Variants in KIFC3 observed in about 807,000 individuals in gnomAD.
KIFC3 encodes kinesin family member C3.
Under a neutral mutation model 101.8 loss-of-function variants are expected in KIFC3, and 60 were observed. The ratio of observed to expected loss-of-function variants is 0.59; its 90% CI spans 0.48 to 0.73. KIFC3 has a LOEUF of 0.73. KIFC3 is among the 30% of genes least tolerant of loss of function. KIFC3 has a pLI of 0.00. For synonymous variants in KIFC3, 476 were observed against 482.7 expected (o/e 0.99, Z 0.18); for missense variants, 966 against 1,137.1 (o/e 0.85, Z 2.16).
chr16:57,847,760 TTGTGTGTGTGTGTGTG>T (rs35081728), intron 1 of KIFC3, among the ~76,000 whole-genome samples: 11 of 139,788 alleles, frequency 7.9e-5, no homozygotes, highest in East Asian at 2.1e-4. Flanking sequence ...CCAGATGAAT[TTGTGTGTGTGTGTGTG>T]TGTGTGTGTG....
chr16:57,838,361 C>T (rs925133518), intron 1 of KIFC3, among the ~76,000 whole-genome samples: 4 of 152,308 alleles, frequency 2.6e-5, no homozygotes, highest in Middle Eastern at 3.4e-3. Flanking sequence ...TGGGTCCTCG[C>T]AGCCACGCAA....
At chr16:57,783,732 C>T (rs1451314364) in intron 3 of KIFC3, among the ~76,000 whole-genome samples, 1 of 152,126 alleles carries the variant, frequency 6.6e-6, no homozygotes, top group Non-Finnish European at 1.5e-5. Context: ...CTCTGCTTCC[C>T]AAAATGCTGG....
At chr16:57,852,205 C>A (rs2056072940) in intron 1 of KIFC3, among the ~76,000 whole-genome samples, 1 of 152,176 alleles carries the variant, frequency 6.6e-6, no homozygotes, top group Non-Finnish European at 1.5e-5. Context: ...CACTAACAGT[C>A]AGTCGGACCT....
Position 57,774,594 on chromosome 16 carries a change from C to T in KIFC3, c.316-2306G>A, listed in dbSNP as rs891703362. On this transcript the variant is annotated intron_variant, in intron 3 of 19. Coordinates refer to ENST00000445690, the MANE Select transcript of KIFC3 (RefSeq NM_001130100.2). ...CTGGAGTGCAGTGCCTCGATCTAGG[C>T]TCACTGCAGCCTAGACCTCCTGGAC... The T allele has an allele frequency of 1.0e-4, 21 of 210,134 alleles. 1 individual carries two copies. Among genetic ancestry groups the T allele is most frequent in the Non-Finnish European group, 2.0e-4 (21 of 106,852 alleles). 13.0% of individuals were successfully genotyped at this position (210,134 alleles called of 1,614,324 possible).
intron 3 of KIFC3, 94 bp from the exon 4 acceptor site, chr16:57,772,382 G>T: frequency 1.9e-6 from 2 of 1,068,146 alleles, no homozygotes; most frequent in Non-Finnish European, 2.8e-6. Flanking sequence ...GACTGATGTG[G>T]CTGTGGCTTC....
chr16:57,860,191 C>T (rs1470912179), intron 1 of KIFC3, among the ~76,000 whole-genome samples: 7 of 152,058 alleles, frequency 4.6e-5, no homozygotes, highest in Admixed American at 2.6e-4. Context: ...CTCTGGCTCA[C>T]GCCTGTAATC....
rs782593901 is a variant in KIFC3 at position 57,762,299 on chromosome 16, G to T, written c.1618-29C>A. On this transcript the variant is annotated intron_variant, in intron 12 of 19. Transcript: ENST00000445690. ...GGGACAGAAGGAAAGGCCCCAGTAA[G>T]CCAGGCCTGTCCCCAAAGACGCTCG... The T allele has an allele frequency of 4.6e-6, 7 of 1,508,118 alleles. No homozygotes were observed. The East Asian group carries it at 1.5e-4, about 32-fold the overall frequency. The allele number at this position is 1,508,118 out of a possible 1,614,324, so 93.4% of individuals were successfully genotyped here. A position where few individuals can be genotyped will look rare whatever the true frequency, so the allele number is the denominator to read the frequency against.
chr16:57,803,036 C>T, upstream of KIFC3: 2 of 1,535,882 alleles, frequency 1.3e-6, no homozygotes, highest in Non-Finnish European at 1.7e-6. Context: ...TTACAGCGCA[C>T]ACGCTCTCAC....
intron 7 of KIFC3, among the ~76,000 whole-genome samples, chr16:57,770,197 C>CA (rs1219287375): frequency 6.6e-6 from 1 of 152,252 alleles, no homozygotes; most frequent in African/African-American, 2.4e-5. Context: ...CACGTGCCCT[C>CA]AGGAAGGTAG....
intron 3 of KIFC3, chr16:57,775,038 G>A: frequency 6.6e-7 from 1 of 1,524,560 alleles, no homozygotes; most frequent in Non-Finnish European, 8.7e-7. Flanking sequence ...AGGGAGAGTG[G>A]GGTTTGCCAG....
intron 1 of KIFC3, among the ~76,000 whole-genome samples, chr16:57,819,507 G>A (rs1231612546): frequency 6.6e-6 from 1 of 152,090 alleles, no homozygotes; most frequent in Non-Finnish European, 1.5e-5. Flanking sequence ...AGGAGAGACT[G>A]TCACCTTCAA....
rs1302280883 is a variant in KIFC3 at position 57,780,753 on chromosome 16, C to T, written c.316-8465G>A. Among the ~76,000 whole-genome samples, 4 of 139,746 alleles carry T rather than the reference C, an allele frequency of 2.9e-5. No homozygotes were observed. In the East Asian group the frequency reaches 8.9e-4, roughly 31 times the overall value. The allele number at this position is 139,746 out of a possible 152,430, so 91.7% of individuals were successfully genotyped here. ...GCAGTGGCGCAATCTTGGCTCACTG[C>T]AACCTCCACCTCCCGGGTTCAAGCA... On this transcript the variant is annotated intron_variant, in intron 3 of 19. Coordinates refer to ENST00000445690, the MANE Select transcript of KIFC3 (RefSeq NM_001130100.2).
At chr16:57,802,540 C>T (rs1275749266), upstream of KIFC3, 2 of 987,288 alleles carry the variant, frequency 2.0e-6, no homozygotes, top group African/African-American at 1.7e-5. This position sits in a 1 kb window ranked among gnomAD's most constrained non-coding sequence, Gnocchi z 5.0. Flanking sequence ...CGGCGCGTTC[C>T]CATGGCAACC....
At chr16:57,764,059 T>G in intron 12 of KIFC3, 84 bp downstream of exon 12, 1 of 966,242 alleles carries the variant, frequency 1.0e-6, no homozygotes, top group Non-Finnish European at 1.6e-6. Context: ...AAACACACAC[T>G]GCACAATACC....
upstream of KIFC3, among the ~76,000 whole-genome samples, chr16:57,808,159 A>C (rs1555627271): frequency 1.3e-5 from 2 of 152,198 alleles, no homozygotes; most frequent in African/African-American, 4.8e-5. Flanking sequence ...GCTAAAAGCA[A>C]ACGGAGGCTT....
At chr16:57,788,871 A>T (rs532104413) in intron 3 of KIFC3, among the ~76,000 whole-genome samples, 1 of 152,292 alleles carries the variant, frequency 6.6e-6, no homozygotes, top group East Asian at 1.9e-4. Context: ...GAGGTCCAGG[A>T]TCTGGAAGAG....
intron 1 of KIFC3, among the ~76,000 whole-genome samples, chr16:57,812,481 G>C (rs1056392860): frequency 2.6e-5 from 4 of 152,140 alleles, no homozygotes; most frequent in African/African-American, 9.7e-5. Context: ...TCCAGGAAAG[G>C]TGTGTGTGAA....
chr16:57,764,861 T>G (rs1420694256), intron 11 of KIFC3, among the ~76,000 whole-genome samples: 2 of 98,576 alleles, frequency 2.0e-5, no homozygotes, highest in African/African-American at 8.2e-5. Context: ...GGGAGGGGCC[T>G]GAAAGTGGGT....
chr16:57,832,313 G>A (rs2055597805), intron 1 of KIFC3, among the ~76,000 whole-genome samples: 2 of 137,810 alleles, frequency 1.5e-5, no homozygotes, highest in African/African-American at 5.5e-5. Flanking sequence ...GAGCCACGGC[G>A]CCAGGCCCTT....
Sources: allele counts gnomAD v4.1 joint callset (sites outside exome capture counted in the v4.1 genomes callset), GRCh38; gene constraint gnomAD v4.1.1; non-coding constraint Gnocchi (gnomAD v3.1); transcripts MANE v1.5; gene names NCBI Gene and HGNC (gene_info 2026-07-23, HGNC 2026-07-21).